The following SLCO3A1 variants were observed in gnomAD, a reference collection of about 807,000 sequenced individuals.
SLCO3A1 encodes PGE1 transporter.
In SLCO3A1, 27 loss-of-function variants were observed where a neutral mutation model predicts 63.1. The observed-to-expected ratio is 0.43, with a 90% CI of 0.32 to 0.59. The LOEUF is 0.59. SLCO3A1 is among the 20% of genes least tolerant of loss of function. The pLI, the probability that SLCO3A1 is intolerant of heterozygous loss-of-function variation, is 0.09. For synonymous variants in SLCO3A1, 473 were observed against 409.9 expected, an observed-to-expected ratio of 1.15 and a Z score of -1.86; for missense variants, 773 against 945.8, an observed-to-expected ratio of 0.82 and a Z score of 2.40.
intron 7 of SLCO3A1, 110 bp from the exon 8 acceptor site, chr15:92,146,874 G>A: frequency 7.1e-6 from 7 of 980,362 alleles, no homozygotes; most frequent in Non-Finnish European, 9.0e-6. Context: ...CTAATTAATG[G>A]AATGCCACAG....
chr15:91,853,876 AGCGGCGGCGGCGGCGGCGGCG>A lies in SLCO3A1; in HGVS notation c.-28_-8del. 1 of 1,294,444 alleles carries A rather than the reference AGCGGCGGCGGCGGCGGCGGCG, an allele frequency of 7.7e-7. No homozygotes were observed. Among genetic ancestry groups the A allele is most frequent in the Non-Finnish European group, 9.8e-7 (1 of 1,017,916 alleles). 80.2% of individuals were successfully genotyped at this position (1,294,444 alleles called of 1,614,324 possible). A position where few individuals can be genotyped will look rare whatever the true frequency, so the allele number is the denominator to read the frequency against. Reference sequence around the variant, plus strand: ...CACCCGGGGCGAGCGGGAAAGCGGCAGCGGCGGCGGCGGCGGCGGCGGCGGGGGAAGGATGCAGGGGAAGAA... The same window carrying A: ...CACCCGGGGCGAGCGGGAAAGCGGCAGCGGGGGAAGGATGCAGGGGAAGAA... On this transcript the variant is annotated 5_prime_UTR_variant, in exon 1 of 10. Coordinates refer to ENST00000318445, the MANE Select transcript of SLCO3A1 (RefSeq NM_013272.4).
At chr15:92,056,848 GAGAGAACA>G (rs1312739150) in intron 2 of SLCO3A1, among the ~76,000 whole-genome samples, 2 of 152,192 alleles carry the variant, frequency 1.3e-5, no homozygotes, top group Non-Finnish European at 2.9e-5. Context: ...GAGTTGATTG[GAGAGAACA>G]AGCTCAACCC....
At chr15:92,171,126 T>C (rs568066996) in intron 10 of SLCO3A1, 4 of 152,202 alleles carry the variant, frequency 2.6e-5, no homozygotes, top group Admixed American at 1.3e-4. Context: ...GTTGTGCCTA[T>C]TGAACAGGAG....
chr15:92,054,000 G>T (rs1001318584), intron 2 of SLCO3A1, among the ~76,000 whole-genome samples: 6 of 152,100 alleles, frequency 3.9e-5, no homozygotes, highest in African/African-American at 1.4e-4. Flanking sequence ...GAATTCTTCT[G>T]CATGGGAGGC....
In SLCO3A1 at chr15:92,063,964, A is replaced by G. The variant is rs149859170; in HGVS notation, c.647-30917A>G. Among the ~76,000 whole-genome samples the G allele has an allele frequency of 3.8e-3, 581 of 152,356 alleles. 8 individuals carry two copies. Among genetic ancestry groups the G allele is most frequent in the African/African-American group, 0.013 (533 of 41,566 alleles). The stretch of plus-strand genomic sequence containing the variant: ...TCCTGTGGAACCCTTTGAGCAGCCT[A>G]TGAAAGGCTATTCCCATTTCATAGA... On this transcript the variant is annotated intron_variant, in intron 2 of 9. Transcript: ENST00000318445.
rs1044497976 is a variant in SLCO3A1, at chr15:91,900,529, A to C, written c.181-15464A>C. On this transcript the variant is annotated intron_variant, in intron 1 of 9. Coordinates refer to ENST00000318445, the MANE Select transcript of SLCO3A1 (RefSeq NM_013272.4). This position sits in a 1 kb window ranked among gnomAD's most constrained non-coding sequence, Gnocchi z 4.3. ...ATTTTCAGTAGAGACGGGTTTCACC[A>C]TGTTGGCCAGGCTTGTCTCAAACTG... Among the ~76,000 whole-genome samples, 1 of 152,078 alleles carries C rather than the reference A, an allele frequency of 6.6e-6. No homozygotes were observed. The highest frequency in any genetic ancestry group is 2.4e-5 in the African/African-American group (1 of 41,412).
chr15:92,104,666 C>A, intron 4 of SLCO3A1, 124 bp downstream of exon 4: 1 of 979,778 alleles, frequency 1.0e-6, no homozygotes, highest in Non-Finnish European at 1.5e-6. Context: ...ATAATATTGG[C>A]TTGCATGGCT....
chr15:92,109,257 T>C (rs1298765071), intron 4 of SLCO3A1, among the ~76,000 whole-genome samples: 1 of 152,154 alleles, frequency 6.6e-6, no homozygotes, highest in Non-Finnish European at 1.5e-5. Flanking sequence ...GGGCGAAGGC[T>C]CCAGTGTCTG....
intron 2 of SLCO3A1, among the ~76,000 whole-genome samples, chr15:92,009,243 A>G: frequency 6.6e-6 from 1 of 152,206 alleles, no homozygotes; most frequent in Admixed American, 6.5e-5. Context: ...TTCTGGAGGA[A>G]CAACTCTAGG....
chr15:92,004,965 C>T lies in SLCO3A1; in HGVS notation c.646+88507C>T, dbSNP rs553229327. Among the ~76,000 whole-genome samples, 4 of 152,328 alleles carry T rather than the reference C, an allele frequency of 2.6e-5. No homozygotes were observed. The South Asian group carries it at 8.3e-4, about 32-fold the overall frequency. On this transcript the variant is annotated intron_variant, in intron 2 of 9. Coordinates refer to ENST00000318445, the MANE Select transcript of SLCO3A1 (RefSeq NM_013272.4). ...ATTTCCTTATGGGGATAATTAAAAA[C>T]TCTTTTAAAGCCTCTGAAACTCTCT...
Position 91,948,485 on chromosome 15 carries a change from G to A in SLCO3A1, c.646+32027G>A, listed in dbSNP as rs936230787. On this transcript the variant is annotated intron_variant, in intron 2 of 9. Transcript: ENST00000318445. This position sits in a 1 kb window ranked among gnomAD's most constrained non-coding sequence, Gnocchi z 4.8. ...CCTGGGTGGAAAGCAGCAGTCATTGGTTAGGAATTTGGGGATTTTCTAATC... is the reference window on the plus strand; with the variant it reads ...CCTGGGTGGAAAGCAGCAGTCATTGATTAGGAATTTGGGGATTTTCTAATC... 6.6e-6 allele frequency among the ~76,000 whole-genome samples: 1 copy of A among 152,216 alleles called. No individual in the cohort carries two copies. Among genetic ancestry groups the A allele is most frequent in the Non-Finnish European group, 1.5e-5 (1 of 68,030 alleles).
At position 91,912,882 on chromosome 15, in the gene SLCO3A1, C is replaced by T. The variant is rs953160602; in HGVS notation, c.181-3111C>T. On this transcript the variant is annotated intron_variant, in intron 1 of 9. Coordinates refer to ENST00000318445, the MANE Select transcript of SLCO3A1 (RefSeq NM_013272.4). This position sits in a 1 kb window ranked among gnomAD's most constrained non-coding sequence, Gnocchi z 5.0. ...CTCACACAAAGGCCTGGGCGAGGCT[C>T]CCCAAAGCCCCCTACCTCCCAGGTC... Among the ~76,000 whole-genome samples the T allele has an allele frequency of 1.3e-5, 2 of 152,202 alleles. No individual in the cohort carries two copies. Among genetic ancestry groups the T allele is most frequent in the Admixed American group, 1.3e-4 (2 of 15,278 alleles).
In SLCO3A1 at chr15:91,860,699, C is replaced by G. The variant is rs1285977477; in HGVS notation, c.180+6611C>G. Among the ~76,000 whole-genome samples the G allele has an allele frequency of 1.3e-5, 2 of 152,230 alleles. No individual in the cohort carries two copies. The highest frequency in any genetic ancestry group is 4.8e-5 in the African/African-American group (2 of 41,476). ...AAGGGACATATGTTGTGGACATATGCTGCCCTCCAGGCAGCCTTGTTTAAA... is the reference window on the plus strand; with the variant it reads ...AAGGGACATATGTTGTGGACATATGGTGCCCTCCAGGCAGCCTTGTTTAAA... On this transcript the variant is annotated intron_variant, in intron 1 of 9. Transcript: ENST00000318445. The surrounding 1 kb of genome is among the most constrained non-coding windows in gnomAD (Gnocchi z 5.5).
At position 92,087,579 on chromosome 15, in the gene SLCO3A1, C is replaced by T. The variant is rs568295683; in HGVS notation, c.647-7302C>T. Reference sequence around the variant, plus strand: ...TGTTGCTCAGGCTGGAGTGCAATGGCGCTATCTTGGCTCACCTCAACCTCT... The same window carrying T: ...TGTTGCTCAGGCTGGAGTGCAATGGTGCTATCTTGGCTCACCTCAACCTCT... On this transcript the variant is annotated intron_variant, in intron 2 of 9. Coordinates refer to ENST00000318445, the MANE Select transcript of SLCO3A1 (RefSeq NM_013272.4). Among the ~76,000 whole-genome samples the T allele has an allele frequency of 1.3e-4, 19 of 143,206 alleles. No individual in the cohort carries two copies. In the South Asian group the frequency reaches 2.4e-3, roughly 18 times the overall value. The allele number at this position is 143,206 out of a possible 152,430, so 93.9% of individuals were successfully genotyped here.
chr15:92,031,433 A>T (rs574105478), intron 2 of SLCO3A1, among the ~76,000 whole-genome samples: 12 of 152,330 alleles, frequency 7.9e-5, no homozygotes, highest in African/African-American at 2.9e-4. Context: ...TAAAAGCCCA[A>T]ATAAGAGGGC....
At chr15:92,052,469 G>A (rs768910243) in intron 2 of SLCO3A1, among the ~76,000 whole-genome samples, 4 of 152,140 alleles carry the variant, frequency 2.6e-5, no homozygotes, top group Non-Finnish European at 5.9e-5. Flanking sequence ...GGTTCATCCA[G>A]TCCAAATGCC....
rs949102335 is a variant in SLCO3A1, at chr15:91,872,721, T to G, written c.180+18633T>G. ...TGAGTGTGTTGATATTATTTTAACA[T>G]GTTACCACCTGTGAGAGAACACTGT... On this transcript the variant is annotated intron_variant, in intron 1 of 9. Transcript: ENST00000318445. This position sits in a 1 kb window ranked among gnomAD's most constrained non-coding sequence, Gnocchi z 4.1. 7.2e-5 allele frequency among the ~76,000 whole-genome samples: 11 copies of G among 152,216 alleles called. No individual in the cohort carries two copies. The highest frequency in any genetic ancestry group is 1.2e-4 in the Non-Finnish European group (8 of 68,050).
intron 2 of SLCO3A1, among the ~76,000 whole-genome samples, chr15:91,927,696 T>C (rs1899079099): frequency 6.6e-6 from 1 of 152,198 alleles, no homozygotes; most frequent in African/African-American, 2.4e-5. Flanking sequence ...GATTTCTCCC[T>C]GCTTCCCTTT....
intron 2 of SLCO3A1, among the ~76,000 whole-genome samples, chr15:91,946,405 G>C (rs980041355): frequency 3.9e-5 from 6 of 152,220 alleles, no homozygotes; most frequent in African/African-American, 1.4e-4. Context: ...GCAGTGCCAA[G>C]AACCAGTGAG....
Sources: allele counts gnomAD v4.1 joint callset (sites outside exome capture counted in the v4.1 genomes callset), GRCh38; gene constraint gnomAD v4.1.1; non-coding constraint Gnocchi (gnomAD v3.1); transcripts MANE v1.5; gene names NCBI Gene and HGNC (gene_info 2026-07-23, HGNC 2026-07-21).